Variants in NPHP1 observed in about 807,000 individuals in gnomAD.
The protein encoded by NPHP1 is nephrocystin 1, also known as nephrocystin-1.
Under a neutral mutation model 90.4 loss-of-function variants are expected in NPHP1, and 70 were observed. That is an observed-to-expected ratio of 0.77 (90% confidence interval 0.64 to 0.95). The LOEUF (loss-of-function observed/expected upper bound fraction) is 0.95. NPHP1 is among the 40% of genes least tolerant of loss of function. The probability of loss-of-function intolerance (pLI) is 0.00; values close to 1 mark genes in which losing one functional copy is unlikely to be tolerated. For missense variants in NPHP1, 764 were observed against 795.9 expected, an observed-to-expected ratio of 0.96 and a Z score of 0.48; for synonymous variants, 256 against 271.7, an observed-to-expected ratio of 0.94 and a Z score of 0.57.
intron 16 of NPHP1, among the ~76,000 whole-genome samples, chr2:110,138,271 T>A (rs1680363087): frequency 6.6e-6 from 1 of 151,938 alleles, no homozygotes; most frequent in Non-Finnish European, 1.5e-5. Context: ...TGTATACATA[T>A]GTAACTAACC....
At position 110,190,088 on chromosome 2, in the gene NPHP1, CT is replaced by C. The variant is rs780731170; in HGVS notation, c.144-10405del. 6.6e-5 allele frequency among the ~76,000 whole-genome samples: 10 copies of C among 152,330 alleles called. No individual in the cohort carries two copies. The East Asian group carries it at 1.9e-3, about 29-fold the overall frequency. On this transcript the variant is annotated intron_variant, in intron 2 of 19. Coordinates refer to ENST00000445609, the MANE Select transcript of NPHP1 (RefSeq NM_001128178.3). Reference sequence around the variant, plus strand: ...CAAACCTTGAGCTAGATACAGAGTGCTGATTGGTGTATTTACAATCCCTTAG... The same window carrying C: ...CAAACCTTGAGCTAGATACAGAGTGCGATTGGTGTATTTACAATCCCTTAG...
intron 4 of NPHP1, among the ~76,000 whole-genome samples, chr2:110,172,272 T>A (rs1683186926): frequency 6.6e-6 from 1 of 152,110 alleles, no homozygotes; most frequent in Non-Finnish European, 1.5e-5. Context: ...TGATCAGTAA[T>A]GCTAGCAGCT....
chr2:110,134,733 A>C (rs959011025), intron 16 of NPHP1, among the ~76,000 whole-genome samples: 19 of 152,174 alleles, frequency 1.2e-4, no homozygotes, highest in African/African-American at 2.2e-4. Context: ...AAGGGGAAAA[A>C]CCCACATTAT....
rs1171179496 is a variant in NPHP1, at chr2:110,201,495, C to A, written c.70-1G>T. 1.2e-6 allele frequency: 2 copies of A among 1,602,026 alleles called. No individual in the cohort carries two copies. The highest frequency in any genetic ancestry group is 1.3e-5 in the African/African-American group (1 of 74,738). ...GGCTCTCAGAAAGCAAACTATCAAC[C>A]TATGGAGACCATTTAAAATATCACA... On this transcript the variant is annotated splice_acceptor_variant, in intron 1 of 19. Coordinates refer to ENST00000445609, the MANE Select transcript of NPHP1 (RefSeq NM_001128178.3). LOFTEE classifies it high-confidence loss of function.
rs1680817754 is a variant in NPHP1 at position 110,143,769 on chromosome 2, C to A, written c.1430-128G>T. 4 of 711,386 alleles carry A rather than the reference C, an allele frequency of 5.6e-6. No homozygotes were observed. The South Asian group carries it at 6.3e-5, about 11-fold the overall frequency. 44.1% of individuals were successfully genotyped at this position (711,386 alleles called of 1,614,324 possible). On this transcript the variant is annotated intron_variant, in intron 15 of 19. Transcript: ENST00000445609. ...AATTGAATGAAAGGCAAGAGTCATC[C>A]ATATACCCTAAATGAGCTGAGAGAC...
At chr2:110,131,851 T>A in intron 16 of NPHP1, 60 bp from the exon 17 acceptor site, 1 of 1,079,530 alleles carries the variant, frequency 9.3e-7, no homozygotes, top group South Asian at 1.3e-5. Context: ...ACTTATAATG[T>A]TTTGATGTAT....
chr2:110,141,354 A>G (rs977315349), intron 16 of NPHP1, among the ~76,000 whole-genome samples: 1 of 152,064 alleles, frequency 6.6e-6, no homozygotes, highest in East Asian at 1.9e-4. Context: ...TTTTCTTTCC[A>G]TTAAACCTCA....
In NPHP1 at chr2:110,161,677, A is replaced by G; in HGVS notation, c.880T>C (p.Tyr294His). The G allele has an allele frequency of 1.2e-6, 2 of 1,612,330 alleles. No individual in the cohort carries two copies. Among genetic ancestry groups the G allele is most frequent in the East Asian group, 4.5e-5 (2 of 44,822 alleles). ...GGCATGAGCTCTGGTTGTAAGAAGT[A>G]ATTTGCTCGAAATTGATTCCCTGAA... The part of the protein sequence containing the change: ...LEEGNQFRAN[Y>H]FLQPELMPSQ... The change falls in exon 10 of 20, where the codon TAC becomes CAC. Residue 294 changes from tyrosine (Y) to histidine (H), a missense_variant. Tyr to His is a moderately conservative substitution (Grantham distance 83, BLOSUM62 2). Transcript: ENST00000445609.
At chr2:110,204,805 C>T in intron 1 of NPHP1, 95 bp downstream of exon 1, 4 of 1,336,260 alleles carry the variant, frequency 3.0e-6, no homozygotes, top group Non-Finnish European at 4.3e-6. Flanking sequence ...GGGCAAGCTC[C>T]CAGGATTAGG....
chr2:110,157,449 C>A (rs1681990240), intron 11 of NPHP1, among the ~76,000 whole-genome samples: 1 of 152,000 alleles, frequency 6.6e-6, no homozygotes, highest in African/African-American at 2.4e-5. Context: ...CATTTCTTTA[C>A]CCCAAGTTCA....
intron 17 of NPHP1, among the ~76,000 whole-genome samples, 192 bp downstream of exon 17, chr2:110,131,487 T>C (rs2104437053): frequency 6.6e-6 from 1 of 152,324 alleles, no homozygotes; most frequent in Non-Finnish European, 1.5e-5. Flanking sequence ...GAACTGAATA[T>C]GTGTCGAGTT....
chr2:110,199,588 A>G (rs1303296169), intron 2 of NPHP1, among the ~76,000 whole-genome samples: 1 of 152,034 alleles, frequency 6.6e-6, no homozygotes, highest in East Asian at 1.9e-4. Context: ...GTGCCACTTC[A>G]TTACAGCCTG....
chr2:110,164,633 T>A, intron 8 of NPHP1, 55 bp downstream of exon 8: 1 of 1,613,432 alleles, frequency 6.2e-7, no homozygotes, highest in Middle Eastern at 1.6e-4. Flanking sequence ...CTATTTCGCA[T>A]CAGAACTATT....
chr2:110,145,203 G>A (rs1377227993), intron 14 of NPHP1, among the ~76,000 whole-genome samples: 1 of 152,106 alleles, frequency 6.6e-6, no homozygotes, highest in East Asian at 1.9e-4. Context: ...AGTGTAGAAA[G>A]AAGAAGGTAA....
intron 2 of NPHP1, among the ~76,000 whole-genome samples, chr2:110,193,530 A>T (rs897848545): frequency 6.6e-6 from 1 of 152,154 alleles, no homozygotes; most frequent in Admixed American, 6.5e-5. Context: ...ACCTAGAAAG[A>T]GACTTAGACT....
chr2:110,163,614 G>A (rs1173828833), intron 8 of NPHP1: 1 of 164,320 alleles, frequency 6.1e-6, no homozygotes, highest in Non-Finnish European at 1.3e-5. Context: ...ATTGTTAATG[G>A]TGATTACTTA....
At chr2:110,174,382 T>C (rs1683364203) in intron 4 of NPHP1, among the ~76,000 whole-genome samples, 1 of 152,212 alleles carries the variant, frequency 6.6e-6, no homozygotes, top group Non-Finnish European at 1.5e-5. Flanking sequence ...CTTCTTTGTA[T>C]TATTTTGTTA....
intron 2 of NPHP1, chr2:110,185,129 A>G: frequency 1.7e-6 from 1 of 579,232 alleles, no homozygotes; most frequent in South Asian, 1.4e-5. Context: ...TGGGTCTCCA[A>G]GAAGGAATAT....
At chr2:110,183,504 C>T (rs1684058823) in intron 2 of NPHP1, among the ~76,000 whole-genome samples, 1 of 152,028 alleles carries the variant, frequency 6.6e-6, no homozygotes, top group Non-Finnish European at 1.5e-5. Flanking sequence ...GTGGGTAAAT[C>T]TCTGTTCAAT....
Sources: gnomAD v4.1 joint callset for allele counts (sites outside exome capture counted in the v4.1 genomes callset) on GRCh38, gnomAD v4.1.1 for gene constraint, MANE v1.5 for transcripts, NCBI Gene and HGNC (gene_info 2026-07-23, HGNC 2026-07-21) for gene names.